AP3B1: variants seen among roughly 807,000 people sequenced by gnomAD.
AP3B1 encodes AP-3 complex subunit beta-1.
A neutral mutation model predicts 132.5 loss-of-function variants in AP3B1; 61 were observed. That is an observed-to-expected ratio of 0.46 (90% confidence interval 0.37 to 0.57). The LOEUF is 0.57. Among genes scored for constraint, AP3B1 ranks in the 20% least tolerant of loss-of-function variants. The pLI, the probability that AP3B1 is intolerant of heterozygous loss-of-function variation, is 0.00. For synonymous variants in AP3B1, 388 were observed against 438.3 expected (o/e 0.89, Z 1.43); for missense variants, 1,120 against 1,289.4 (o/e 0.87, Z 2.01).
At chr5:78,273,908 T>C (rs1748659504) in intron 1 of AP3B1, among the ~76,000 whole-genome samples, 1 of 151,718 alleles carries the variant, frequency 6.6e-6, no homozygotes. Flanking sequence ...CAGCCCTGTA[T>C]GGAAGAAGCT....
At chr5:78,097,366 C>T (rs1380585913) in intron 21 of AP3B1, among the ~76,000 whole-genome samples, 2 of 133,240 alleles carry the variant, frequency 1.5e-5, no homozygotes, top group African/African-American at 2.8e-5. Context: ...GCCAGCCGCC[C>T]TGTCCGGGAG....
chr5:78,016,464 T>C (rs1458217403), intron 25 of AP3B1, among the ~76,000 whole-genome samples: 2 of 152,128 alleles, frequency 1.3e-5, no homozygotes, highest in Admixed American at 6.5e-5. Flanking sequence ...ATATAAGTCA[T>C]AGACATCTAA....
At chr5:78,227,285 A>G in intron 5 of AP3B1, 87 bp downstream of exon 5, 2 of 1,338,058 alleles carry the variant, frequency 1.5e-6, no homozygotes, top group Non-Finnish European at 1.1e-6. Flanking sequence ...CAGCCTACCT[A>G]AAAGAGCGAA....
rs536919542 is a variant in AP3B1, at chr5:78,171,650, G to A, written c.1167+3976C>T. ...AAGGAGATTTTGGGCTGAGACGATG[G>A]GGTTTTCTAAATGTACAATCATGTC... is the stretch of plus-strand genomic sequence containing the variant. On this transcript the variant is annotated intron_variant, in intron 11 of 26. Transcript: ENST00000255194. 2.6e-5 allele frequency among the ~76,000 whole-genome samples: 4 copies of A among 152,236 alleles called. No individual in the cohort carries two copies. The South Asian group carries it at 6.2e-4, about 24-fold the overall frequency.
chr5:78,094,310 G>A (rs894257690), intron 21 of AP3B1, among the ~76,000 whole-genome samples: 3 of 152,086 alleles, frequency 2.0e-5, no homozygotes, highest in South Asian at 2.1e-4. Context: ...GTTTTCTTAT[G>A]TATTGTTAAC....
chr5:78,099,279 C>A (rs967944593), intron 21 of AP3B1, among the ~76,000 whole-genome samples: 7 of 152,174 alleles, frequency 4.6e-5, no homozygotes, highest in African/African-American at 1.7e-4. Flanking sequence ...CTCAAAGGGA[C>A]TAGGACAGTG....
intron 17 of AP3B1, among the ~76,000 whole-genome samples, chr5:78,122,235 A>G (rs1460079454): frequency 4.6e-5 from 7 of 152,244 alleles, no homozygotes; most frequent in Non-Finnish European, 1.0e-4. Context: ...CCCACAGCCA[A>G]TATCATACAG....
In AP3B1 at chr5:78,216,027, T is replaced by C. The variant is rs543098863; in HGVS notation, c.786+28A>G. On this transcript the variant is annotated intron_variant, in intron 7 of 26. Transcript: ENST00000255194. The stretch of plus-strand genomic sequence containing the variant: ...AGCTCATCCATTCTCTTAGTATACT[T>C]GAAAGTGGAAGACTGTTCAACACTT... The C allele has an allele frequency of 3.1e-6, 5 of 1,612,552 alleles. No individual in the cohort carries two copies. In the East Asian group the frequency reaches 6.7e-5, roughly 22 times the overall value.
intron 10 of AP3B1, 32 bp from the exon 11 acceptor site, chr5:78,175,729 T>C: frequency 6.2e-7 from 1 of 1,609,294 alleles, no homozygotes; most frequent in Non-Finnish European, 8.5e-7. Context: ...AAAAATACAT[T>C]ATGGTACTAA....
intron 13 of AP3B1, among the ~76,000 whole-genome samples, chr5:78,160,129 A>G (rs747150256): frequency 6.6e-6 from 1 of 152,172 alleles, no homozygotes; most frequent in Non-Finnish European, 1.5e-5. Context: ...TTATATTACT[A>G]TCTCCCTCCA....
At chr5:78,120,887 T>C (rs923215113) in intron 17 of AP3B1, among the ~76,000 whole-genome samples, 4 of 152,136 alleles carry the variant, frequency 2.6e-5, no homozygotes, top group African/African-American at 7.2e-5. Flanking sequence ...CAACAGAATA[T>C]ACATTCTTCT....
In AP3B1 at chr5:78,156,958, C is replaced by T. The variant is rs369587144; in HGVS notation, c.1364-591G>A. Among the ~76,000 whole-genome samples the T allele has an allele frequency of 1.4e-4, 21 of 152,138 alleles. 4 individuals are homozygous for T. Among genetic ancestry groups the T allele is most frequent in the East Asian group, 1.2e-3 (6 of 5,174 alleles). On this transcript the variant is annotated intron_variant, in intron 13 of 26. Transcript: ENST00000255194. ...TTTTCTCTATTTGTTCTATAAAGTC[C>T]ACTCTACCTTTCTCTCCCCAGCACT...
At chr5:78,205,069 G>A (rs1045805093) in intron 7 of AP3B1, among the ~76,000 whole-genome samples, 1 of 152,014 alleles carries the variant, frequency 6.6e-6, no homozygotes, top group Non-Finnish European at 1.5e-5. Flanking sequence ...CAACTTATCT[G>A]TTTCTCTTGG....
intron 21 of AP3B1, among the ~76,000 whole-genome samples, chr5:78,091,814 G>A (rs1367233706): frequency 6.6e-6 from 1 of 152,198 alleles, no homozygotes; most frequent in African/African-American, 2.4e-5. Flanking sequence ...TCAGATGGCA[G>A]TACAATGCAC....
chr5:78,116,719 T>C (rs1193416615), intron 17 of AP3B1, among the ~76,000 whole-genome samples: 1 of 152,036 alleles, frequency 6.6e-6, no homozygotes, highest in Non-Finnish European at 1.5e-5. Context: ...TCTTTTTTTC[T>C]CATATCCTAA....
chr5:78,207,694 G>T (rs1166302975), intron 7 of AP3B1, among the ~76,000 whole-genome samples: 1 of 151,730 alleles, frequency 6.6e-6, no homozygotes, highest in African/African-American at 2.4e-5. Context: ...TTTTAAACAG[G>T]TTTTTTTAGC....
intron 15 of AP3B1, among the ~76,000 whole-genome samples, chr5:78,134,149 C>CAAAA (rs397961933): frequency 1.8e-4 from 13 of 74,208 alleles, no homozygotes; most frequent in African/African-American, 6.0e-4. Context: ...AGACTCGCCT[C>CAAAA]AAAAAAAAAA....
At chr5:78,233,523 C>T (rs1026078950) in intron 3 of AP3B1, among the ~76,000 whole-genome samples, 7 of 152,162 alleles carry the variant, frequency 4.6e-5, no homozygotes, top group Admixed American at 4.6e-4. Context: ...GCGTGAGCCA[C>T]CACGCCCAGC....
At chr5:78,074,075 A>G (rs539968919) in intron 22 of AP3B1, among the ~76,000 whole-genome samples, 2 of 152,356 alleles carry the variant, frequency 1.3e-5, no homozygotes, top group South Asian at 4.1e-4. Context: ...TATGAGTACT[A>G]TCCGCCAGTT....
Sources: allele counts gnomAD v4.1 joint callset (sites outside exome capture counted in the v4.1 genomes callset), GRCh38; gene constraint gnomAD v4.1.1; transcripts MANE v1.5; gene names NCBI Gene and HGNC (gene_info 2026-07-23, HGNC 2026-07-21).